The following FLI1 variants were observed in gnomAD, a reference collection of about 807,000 sequenced individuals.
The protein encoded by FLI1 is Fli-1 proto-oncogene, ETS transcription factor, also known as Friend leukemia integration 1 transcription factor.
FLI1 carries 13 observed loss-of-function variants against 53.1 expected under a neutral mutation model. The observed-to-expected ratio is 0.24, with a 90% CI of 0.16 to 0.39. The LOEUF is 0.39. Among genes scored for constraint, FLI1 ranks in the 10% least tolerant of loss-of-function variants. The probability of loss-of-function intolerance (pLI) is 1.00; values close to 1 mark genes in which losing one functional copy is unlikely to be tolerated. For synonymous variants in FLI1, 244 were observed against 236.7 expected (o/e 1.03, Z -0.28); for missense variants, 424 against 600.5 (o/e 0.71, Z 3.07).
At chr11:128,720,880 C>T (rs897031689) in intron 1 of FLI1, among the ~76,000 whole-genome samples, 6 of 152,114 alleles carry the variant, frequency 3.9e-5, no homozygotes, top group Admixed American at 2.6e-4. Context: ...CTGTGTGTGG[C>T]GGAGGTGGGG....
chr11:128,757,052 CTT>C lies in FLI1; in HGVS notation c.19-1061_19-1060del, dbSNP rs1398477288. On this transcript the variant is annotated intron_variant, in intron 1 of 8. Coordinates refer to ENST00000527786, the MANE Select transcript of FLI1 (RefSeq NM_002017.5). ...ACCATATCTAGCTAATTTTTTCTTT[CTT>C]TCTTTCTTTCTTTCTTTCTTTCTTT... Among the ~76,000 whole-genome samples the C allele has an allele frequency of 4.5e-3, 419 of 93,480 alleles. 4 individuals carry two copies. The highest frequency in any genetic ancestry group is 0.018 in the African/African-American group (398 of 21,938). The allele number at this position is 93,480 out of a possible 152,430, so 61.3% of individuals were successfully genotyped here.
intron 1 of FLI1, among the ~76,000 whole-genome samples, chr11:128,745,652 A>G (rs1940349905): frequency 6.6e-6 from 1 of 152,186 alleles, no homozygotes; most frequent in Non-Finnish European, 1.5e-5. Flanking sequence ...CCCTGAGAGG[A>G]AACGAAATAA....
upstream of FLI1, chr11:128,686,262 C>A: frequency 4.5e-6 from 2 of 447,634 alleles, no homozygotes; most frequent in South Asian, 1.6e-5. Context: ...CAACACGCAC[C>A]AAGAACTAGA....
At chr11:128,694,772 C>T (rs1425179143) in intron 1 of FLI1, among the ~76,000 whole-genome samples, 2 of 152,154 alleles carry the variant, frequency 1.3e-5, no homozygotes, top group African/African-American at 2.4e-5. Context: ...TAAGTGGCCT[C>T]GTTGCACGAG....
At chr11:128,732,503 G>A (rs1355077510) in intron 1 of FLI1, among the ~76,000 whole-genome samples, 2 of 152,214 alleles carry the variant, frequency 1.3e-5, no homozygotes, top group East Asian at 3.8e-4. Flanking sequence ...TGCCTCCATT[G>A]AGTGTAGTCC....
At chr11:128,719,356 C>CGT (rs56336914) in intron 1 of FLI1, among the ~76,000 whole-genome samples, 2,663 of 145,248 alleles carry the variant, frequency 0.018, 27 homozygotes, top group South Asian at 0.066. Context: ...CCCCTTTTCC[C>CGT]GTGTGTGTGT....
intron 1 of FLI1, among the ~76,000 whole-genome samples, chr11:128,725,647 C>CCT (rs1491010459): frequency 1.3e-4 from 5 of 37,966 alleles, no homozygotes; most frequent in Non-Finnish European, 4.3e-4. Flanking sequence ...ATTCTCTCTC[C>CCT]CTCTCTCTCT....
chr11:128,736,806 T>C (rs774162448), intron 1 of FLI1, among the ~76,000 whole-genome samples: 6 of 152,202 alleles, frequency 3.9e-5, no homozygotes, highest in Non-Finnish European at 7.3e-5. Context: ...CAATTTTTAT[T>C]AGTTTTCAAA....
At chr11:128,710,830 G>A (rs1054787499) in intron 1 of FLI1, among the ~76,000 whole-genome samples, 1 of 152,188 alleles carries the variant, frequency 6.6e-6, no homozygotes, top group Non-Finnish European at 1.5e-5. Context: ...GGCTACACAA[G>A]GTTCCAAAAT....
chr11:128,699,626 C>T (rs1938236740), intron 1 of FLI1, among the ~76,000 whole-genome samples: 1 of 152,140 alleles, frequency 6.6e-6, no homozygotes, highest in Admixed American at 6.5e-5. Flanking sequence ...AGCGTTCTTC[C>T]CATTATGTAT....
At chr11:128,707,142 T>C (rs1457132083) in intron 1 of FLI1, among the ~76,000 whole-genome samples, 2 of 152,158 alleles carry the variant, frequency 1.3e-5, no homozygotes, top group Non-Finnish European at 2.9e-5. Context: ...TGCCCCACAC[T>C]ATGAGCTTAG....
intron 1 of FLI1, among the ~76,000 whole-genome samples, chr11:128,732,201 T>C (rs931810964): frequency 5.9e-5 from 9 of 152,288 alleles, no homozygotes; most frequent in Non-Finnish European, 1.3e-4. Context: ...GGTTCCCTTC[T>C]TTCTCCATCC....
chr11:128,703,851 AAAAAAAAAAAAAC>A (rs1477467370), intron 1 of FLI1, among the ~76,000 whole-genome samples: 3 of 150,682 alleles, frequency 2.0e-5, no homozygotes, highest in Non-Finnish European at 4.4e-5. Flanking sequence ...TCAAAAAAAA[AAAAAAAAAAAAAC>A]AAACGTTAAG....
chr11:128,802,985 G>A (rs1942675932), intron 5 of FLI1, among the ~76,000 whole-genome samples: 1 of 152,182 alleles, frequency 6.6e-6, no homozygotes, highest in African/African-American at 2.4e-5. Context: ...ATTCTGAGTG[G>A]TTACCAGATA....
intron 1 of FLI1, among the ~76,000 whole-genome samples, chr11:128,755,199 G>A (rs958673693): frequency 6.6e-6 from 1 of 152,112 alleles, no homozygotes; most frequent in Non-Finnish European, 1.5e-5. Context: ...GCCCATCTAT[G>A]GAGCATCACT....
At position 128,716,000 on chromosome 11, in the gene FLI1, G is replaced by C. The variant is rs112497778; in HGVS notation, c.18+21724G>C. Among the ~76,000 whole-genome samples, 749 of 152,322 alleles carry C rather than the reference G, an allele frequency of 4.9e-3. 8 individuals carry two copies. Among genetic ancestry groups the C allele is most frequent in the African/African-American group, 0.017 (702 of 41,562 alleles). On this transcript the variant is annotated intron_variant, in intron 1 of 8. Transcript: ENST00000527786. Reference sequence around the variant, plus strand: ...CAGGGAGAGCTGCCAAGCTGCCTGTGAGTATGCCTGTCCTTAATTTCATCT... The same window carrying C: ...CAGGGAGAGCTGCCAAGCTGCCTGTCAGTATGCCTGTCCTTAATTTCATCT...
At chr11:128,729,146 A>T (rs1390761355) in intron 1 of FLI1, among the ~76,000 whole-genome samples, 1 of 152,204 alleles carries the variant, frequency 6.6e-6, no homozygotes, top group Non-Finnish European at 1.5e-5. Context: ...CGAGGGCAAC[A>T]CAAAGGACTC....
chr11:128,749,236 G>GT (rs1336767211), intron 1 of FLI1, among the ~76,000 whole-genome samples: 1 of 152,200 alleles, frequency 6.6e-6, no homozygotes. Context: ...TGGGTTTTCG[G>GT]TTGCTGAGTA....
At position 128,758,314 on chromosome 11, in the gene FLI1, T is replaced by C; in HGVS notation, c.218T>C (p.Met73Thr). ...RVNVKREYDHMNGSRESPVDC... is the reference protein window; with the variant it reads ...RVNVKREYDHTNGSRESPVDC... ...AACGTCAAGCGGGAGTATGACCACA[T>C]GAATGGATCCAGGTAAGCTCACCAG... The change falls in exon 2 of 9, where the codon ATG becomes ACG. Residue 73 changes from methionine to threonine, a missense_variant. This residue lies in a region of FLI1 where 137 missense variants were observed against 169.1 expected (regional missense o/e 0.81). Coordinates refer to ENST00000527786, the MANE Select transcript of FLI1 (RefSeq NM_002017.5). 1 of 1,612,920 alleles carries C rather than the reference T, an allele frequency of 6.2e-7. No individual in the cohort carries two copies. The highest frequency in any genetic ancestry group is 1.1e-5 in the South Asian group (1 of 90,800).
Sources: gnomAD v4.1 joint callset for allele counts (sites outside exome capture counted in the v4.1 genomes callset) on GRCh38, gnomAD v4.1.1 for gene constraint, gnomAD v4.1.1 regional missense constraint, MANE v1.5 for transcripts, NCBI Gene and HGNC (gene_info 2026-07-23, HGNC 2026-07-21) for gene names.